The following VWF variants were observed in gnomAD, a reference collection of about 807,000 sequenced individuals.
The protein encoded by VWF is Factor VIII related antigen.
Under a neutral mutation model 308.6 loss-of-function variants are expected in VWF, and 176 were observed. That is an observed-to-expected ratio of 0.57 (90% CI 0.50 to 0.65). The LOEUF is 0.65. Ranked by LOEUF, VWF falls within the 30% of genes least tolerant of loss-of-function variation. The pLI is 0.00. For synonymous variants in VWF, 1,385 were observed against 1,443.4 expected, an observed-to-expected ratio of 0.96 and a Z score of 0.92; for missense variants, 3,146 against 3,648.2, an observed-to-expected ratio of 0.86 and a Z score of 3.55.
chr12:6,042,454 T>C (rs772303988), intron 18 of VWF, among the ~76,000 whole-genome samples: 2 of 152,254 alleles, frequency 1.3e-5, no homozygotes, highest in Admixed American at 6.5e-5. Context: ...TGTCCCGTGC[T>C]GCAGGCGGCA....
intron 34 of VWF, among the ~76,000 whole-genome samples, chr12:5,999,965 C>T (rs1484339997): frequency 7.0e-6 from 1 of 142,766 alleles, no homozygotes; most frequent in African/African-American, 2.6e-5. Context: ...CAGAGAAAAG[C>T]AAAAAAAAAC....
chr12:6,062,268 T>TG (rs1367794237), intron 13 of VWF, among the ~76,000 whole-genome samples: 1 of 151,724 alleles, frequency 6.6e-6, no homozygotes, highest in Non-Finnish European at 1.5e-5. Flanking sequence ...ACACGGTTGG[T>TG]GGGGGTCAGA....
rs951436353 is a variant in VWF at position 6,031,708 on chromosome 12, A to G, written c.2686-130T>C. ...GATCTTGCCACGTCCATGGCTGCGC[A>G]TATGTGCCTCTGTGTGTGTCTGGGG... On this transcript the variant is annotated intron_variant, in intron 20 of 51. Transcript: ENST00000261405. 15 of 1,410,780 alleles carry G rather than the reference A, an allele frequency of 1.1e-5. No individual in the cohort carries two copies. In the African/African-American group the frequency reaches 1.4e-4, roughly 13 times the overall value. 87.4% of individuals were successfully genotyped at this position (1,410,780 alleles called of 1,614,324 possible). A position where few individuals can be genotyped will look rare whatever the true frequency, so the allele number is the denominator to read the frequency against.
rs1362170885 is a variant in VWF at position 6,029,345 on chromosome 12, G to A, written c.2964C>T (p.Tyr988=). The change falls in exon 22 of 52, where the codon TAC becomes TAT. Residue 988 remains tyrosine, a synonymous_variant. Transcript: ENST00000261405. ...ATGAAGCAAGAAAGCCACTGACCTG[G>A]TATGTCTGCTTCAGGACCACGGAGA... ...LSISVVLKQT[Y]QEKVCGLCGN... 1 of 1,613,946 alleles carries A rather than the reference G, an allele frequency of 6.2e-7. No homozygotes were observed. Among genetic ancestry groups the A allele is most frequent in the African/African-American group, 1.3e-5 (1 of 74,908 alleles).
chr12:5,962,502 G>A (rs1375557168), intron 47 of VWF, among the ~76,000 whole-genome samples: 4 of 150,792 alleles, frequency 2.7e-5, no homozygotes, highest in Admixed American at 1.3e-4. Context: ...AGAAAAAAAG[G>A]AGCCTAGCGA....
intron 1 of VWF, among the ~76,000 whole-genome samples, chr12:6,123,567 A>T (rs1012745142): frequency 2.6e-5 from 4 of 152,118 alleles, no homozygotes; most frequent in Non-Finnish European, 4.4e-5. Context: ...TCTGCATCCA[A>T]ACTGGCGAGT....
chr12:6,087,608 G>A (rs1038598416), intron 6 of VWF, among the ~76,000 whole-genome samples: 2 of 150,892 alleles, frequency 1.3e-5, no homozygotes, highest in Admixed American at 6.6e-5. Flanking sequence ...CTCGTGATCC[G>A]CCCGCCTCGG....
chr12:5,969,286 G>A lies in VWF; in HGVS notation c.7654C>T (p.Leu2552=). 1 of 1,614,210 alleles carries A rather than the reference G, an allele frequency of 6.2e-7. No homozygotes were observed. Among genetic ancestry groups the A allele is most frequent in the South Asian group, 1.1e-5 (1 of 91,090 alleles). The change falls in exon 45 of 52, where the codon CTG becomes TTG. Residue 2552 remains leucine, a synonymous_variant. Coordinates refer to ENST00000261405, the MANE Select transcript of VWF (RefSeq NM_000552.5). Reference sequence around the variant, plus strand: ...CCCGAGGGGCAGACAGGGACCTCCAGCTGGGGGCAGGAGACGTTCCTTTGT... The same window carrying A: ...CCCGAGGGGCAGACAGGGACCTCCAACTGGGGGCAGGAGACGTTCCTTTGT... The part of the protein sequence containing the change: ...IQQRNVSCPQ[L]EVPVCPSGFQ...
chr12:6,089,429 G>A (rs559908532), intron 6 of VWF, among the ~76,000 whole-genome samples: 1 of 152,160 alleles, frequency 6.6e-6, no homozygotes. Flanking sequence ...TTTTTCAGCT[G>A]TTCCCAGGAC....
In VWF at chr12:6,018,837, C is replaced by G; in HGVS notation, c.4581G>C (p.Arg1527=). 6.2e-7 allele frequency: 1 copy of G among 1,613,950 alleles called. No individual in the cohort carries two copies. Among genetic ancestry groups the G allele is most frequent in the South Asian group, 1.1e-5 (1 of 91,072 alleles). Residue 1527 remains arginine (R), a synonymous_variant, in exon 28 of 52, where the codon CGG becomes CGC. Coordinates refer to ENST00000261405, the MANE Select transcript of VWF (RefSeq NM_000552.5). The part of the protein sequence containing the change: ...SKEFMEEVIQ[R]MDVGQDSIHV... Reference sequence around the variant, plus strand: ...GGATGCTGTCCTGGCCCACATCCATCCGCTGAATCACCTCCTCCATGAACT... The same window carrying G: ...GGATGCTGTCCTGGCCCACATCCATGCGCTGAATCACCTCCTCCATGAACT...
Position 6,110,472 on chromosome 12 carries a change from T to C in VWF, c.434A>G (p.Asn145Ser). The change falls in exon 5 of 52, where the codon AAC (asparagine) becomes AGC (serine). Residue 145 changes from asparagine to serine, a missense_variant. Asn to Ser is a conservative substitution (Grantham distance 46). Transcript: ENST00000261405. ...TCTGTCTGACAGCAGGACTTGAAAG[T>C]TGCCGCTGCCATCGATCCTGGCCAC... ...GFVARIDGSG[N>S]FQVLLSDRYF... 1 of 1,614,170 alleles carries C rather than the reference T, an allele frequency of 6.2e-7. No individual in the cohort carries two copies. Among genetic ancestry groups the C allele is most frequent in the Non-Finnish European group, 8.5e-7 (1 of 1,180,044 alleles).
chr12:6,058,125 TAAA>T lies in VWF; in HGVS notation c.1534-84_1534-82del. The stretch of plus-strand genomic sequence containing the variant: ...TGTTTAGCTAATGAGATGGTTTTAA[TAAA>T]AAAAAAAAAGTTCCCCGGGTGAAAC... On this transcript the variant is annotated intron_variant, in intron 13 of 51. Coordinates refer to ENST00000261405, the MANE Select transcript of VWF (RefSeq NM_000552.5). This position sits in a 1 kb window ranked among gnomAD's most constrained non-coding sequence, Gnocchi z 4.9. 5 of 1,170,020 alleles carry T rather than the reference TAAA, an allele frequency of 4.3e-6. No homozygotes were observed. The highest frequency in any genetic ancestry group is 3.1e-5 in the East Asian group (1 of 31,882). The allele number at this position is 1,170,020 out of a possible 1,614,324, so 72.5% of individuals were successfully genotyped here. A position where few individuals can be genotyped will look rare whatever the true frequency, so the allele number is the denominator to read the frequency against.
intron 40 of VWF, 96 bp from the exon 41 acceptor site, chr12:5,983,350 T>G (rs1943630452): frequency 2.4e-6 from 3 of 1,240,876 alleles, no homozygotes. Flanking sequence ...CATGCAGACT[T>G]CTACTGTTTT....
intron 30 of VWF, 48 bp from the exon 31 acceptor site, chr12:6,016,280 G>A (rs766137379): frequency 1.9e-5 from 30 of 1,613,570 alleles, no homozygotes; most frequent in South Asian, 3.3e-5. Flanking sequence ...ACTGCGGCTC[G>A]ACACCCTGTC....
chr12:5,998,325 C>T (rs149085429), intron 34 of VWF, among the ~76,000 whole-genome samples: 3 of 150,900 alleles, frequency 2.0e-5, no homozygotes, highest in East Asian at 3.9e-4. Flanking sequence ...GGTGAAACCC[C>T]AACTCTACTA....
intron 7 of VWF, among the ~76,000 whole-genome samples, chr12:6,074,859 G>T (rs1944823427): frequency 6.6e-6 from 1 of 152,206 alleles, no homozygotes. Flanking sequence ...AGGGATAGCG[G>T]TCATTAGCCT....
In VWF at chr12:5,952,533, G is replaced by T; in HGVS notation, c.7987-14C>A. The T allele has an allele frequency of 6.2e-7, 1 of 1,612,850 alleles. No individual in the cohort carries two copies. Among genetic ancestry groups the T allele is most frequent in the Non-Finnish European group, 8.5e-7 (1 of 1,179,280 alleles). On this transcript the variant is annotated splice_polypyrimidine_tract_variant and intron_variant, in intron 48 of 51. Transcript: ENST00000261405. The stretch of plus-strand genomic sequence containing the variant: ...CGTCTCATCACGCTGGAAGGAAAGA[G>T]GAGTGGGTAAAGTCAGAGACAGTGT...
At chr12:6,011,870 T>C in intron 33 of VWF, 76 bp from the exon 34 acceptor site, 1 of 1,433,800 alleles carries the variant, frequency 7.0e-7, no homozygotes, top group Admixed American at 1.7e-5. Flanking sequence ...GCCAGACAAC[T>C]GACCCCTAGA....
chr12:6,116,781 G>A (rs1477099505), intron 3 of VWF, among the ~76,000 whole-genome samples: 1 of 152,224 alleles, frequency 6.6e-6, no homozygotes, highest in Non-Finnish European at 1.5e-5. Flanking sequence ...GCACCAGGTG[G>A]CCCTTCGTGT....
Sources: gnomAD v4.1 joint callset for allele counts (sites outside exome capture counted in the v4.1 genomes callset) on GRCh38, gnomAD v4.1.1 for gene constraint, Gnocchi (gnomAD v3.1) non-coding constraint, MANE v1.5 for transcripts, NCBI Gene and HGNC (gene_info 2026-07-23, HGNC 2026-07-21) for gene names.